The following TENM2 variants were observed in gnomAD, a reference collection of about 807,000 sequenced individuals.
The protein encoded by TENM2 is teneurin-2.
Under a neutral mutation model 245.2 loss-of-function variants are expected in TENM2, and 52 were observed. That is an observed-to-expected ratio of 0.21 (90% confidence interval 0.17 to 0.27). The LOEUF is 0.27. TENM2 is among the 10% of genes least tolerant of loss of function. TENM2 has a pLI of 1.00. For missense variants in TENM2, 3,046 were observed against 3,666.8 expected (o/e 0.83, Z 4.37); for synonymous variants, 1,363 against 1,438.9 (o/e 0.95, Z 1.19).
intron 25 of TENM2, among the ~76,000 whole-genome samples, chr5:168,228,334 C>CCAT (rs556058538): frequency 5.3e-4 from 81 of 152,220 alleles, no homozygotes; most frequent in African/African-American, 1.9e-3. Flanking sequence ...AAGGTAGAAT[C>CCAT]CATCTCCCTT....
At chr5:167,409,658 TTAAATAA>T (rs1267869167) in intron 2 of TENM2, among the ~76,000 whole-genome samples, 1 of 152,054 alleles carries the variant, frequency 6.6e-6, no homozygotes, top group East Asian at 1.9e-4. Flanking sequence ...TTCTGATTTG[TTAAATAA>T]TAAAAAATTC....
chr5:167,319,085 A>G (rs1444222390), intron 1 of TENM2, among the ~76,000 whole-genome samples: 1 of 152,226 alleles, frequency 6.6e-6, no homozygotes, highest in East Asian at 1.9e-4. Context: ...CCAATTTAAA[A>G]TGATGACTTC....
intron 2 of TENM2, among the ~76,000 whole-genome samples, chr5:167,471,063 A>G (rs1019885346): frequency 1.3e-5 from 2 of 152,210 alleles, no homozygotes; most frequent in African/African-American, 4.8e-5. Flanking sequence ...TTAAAAAATA[A>G]AAGTCTGAAA....
intron 9 of TENM2, 36 bp from the exon 12 acceptor site, chr5:168,118,256 C>T (rs1206597038): frequency 1.4e-6 from 2 of 1,463,960 alleles, no homozygotes; most frequent in Non-Finnish European, 1.8e-6. Flanking sequence ...GATGCTGGCC[C>T]TTCGTGACCT....
intron 2 of TENM2, among the ~76,000 whole-genome samples, chr5:167,603,023 G>A (rs1776750842): frequency 6.6e-6 from 1 of 152,138 alleles, no homozygotes; most frequent in Non-Finnish European, 1.5e-5. Flanking sequence ...ATTGTAAGAT[G>A]GGTATGATTC....
chr5:167,340,248 A>G (rs10045472), intron 1 of TENM2, among the ~76,000 whole-genome samples: 193 of 152,288 alleles, frequency 1.3e-3, no homozygotes, highest in African/African-American at 4.4e-3. Flanking sequence ...TCTAGCCTCT[A>G]TCCACTACCA....
At chr5:166,997,311 T>G in the TENM2 span, among the ~76,000 whole-genome samples, 22 of 152,322 alleles carry the variant, frequency 1.4e-4, no homozygotes, top group East Asian at 4.2e-3. Flanking sequence ...ATATATTATA[T>G]AATCCTCAAA....
chr5:167,698,679 G>GTTTTTTTTTTTTTTTTTTTTT (rs1225922111), intron 2 of TENM2, among the ~76,000 whole-genome samples: 26 of 97,736 alleles, frequency 2.7e-4, no homozygotes, highest in Non-Finnish European at 3.5e-4. Context: ...TTTGTTTTTT[G>GTTTTTTTTTTTTTTTTTTTTT]TTTTTTTTTT....
At position 167,824,810 on chromosome 5, in the gene TENM2, T is replaced by C. The variant is rs1767821618; in HGVS notation, c.503-51176T>C. On this transcript the variant is annotated intron_variant, in intron 2 of 28. Transcript: ENST00000518659. ...ATGTGAACACACCTAAGTTTTACAA[T>C]GTCCACAACTAATTCAACGTTTCAA... is the stretch of plus-strand genomic sequence containing the variant. Among the ~76,000 whole-genome samples the C allele has an allele frequency of 2.0e-5, 3 of 152,322 alleles. No individual in the cohort carries two copies. In the South Asian group the frequency reaches 6.2e-4, roughly 32 times the overall value.
rs1312152011 is a variant in TENM2 at position 167,974,051 on chromosome 5, G to A, written c.948-18893G>A. ...AGGAAGGAAGGAGAAGGAAGGAAGG[G>A]AGGAAAGGAGGGAGGGAGGGAGGAA... On this transcript the variant is annotated intron_variant, in intron 4 of 28. Transcript: ENST00000518659. Among the ~76,000 whole-genome samples the A allele has an allele frequency of 1.3e-3, 51 of 40,338 alleles. 1 individual carries two copies. Among genetic ancestry groups the A allele is most frequent in the Non-Finnish European group, 1.7e-3 (43 of 25,374 alleles). 26.5% of individuals were successfully genotyped at this position (40,338 alleles called of 152,430 possible).
intron 1 of TENM2, among the ~76,000 whole-genome samples, chr5:167,357,300 CTT>C (rs11442891): frequency 7.1e-6 from 1 of 139,982 alleles, no homozygotes; most frequent in Non-Finnish European, 1.5e-5. Flanking sequence ...GCCATCCTTT[CTT>C]TTTTTTTTTT....
At chr5:167,038,543 A>G in the TENM2 span, among the ~76,000 whole-genome samples, 2 of 152,206 alleles carry the variant, frequency 1.3e-5, no homozygotes, top group African/African-American at 2.4e-5. Context: ...TTATTGAACA[A>G]GAGCATTTTT....
At chr5:167,493,448 G>C (rs1383001664) in intron 2 of TENM2, among the ~76,000 whole-genome samples, 1 of 152,064 alleles carries the variant, frequency 6.6e-6, no homozygotes, top group Non-Finnish European at 1.5e-5. Context: ...TTCTCTGAAG[G>C]CTTCATTGAT....
chr5:168,240,290 C>G (rs1765965742), intron 25 of TENM2, among the ~76,000 whole-genome samples: 1 of 152,198 alleles, frequency 6.6e-6, no homozygotes, highest in African/African-American at 2.4e-5. Context: ...GTGGAGCCAG[C>G]CGAGCAGCAG....
chr5:167,798,508 G>T (rs993427740), intron 2 of TENM2, among the ~76,000 whole-genome samples: 7 of 152,196 alleles, frequency 4.6e-5, no homozygotes, highest in African/African-American at 1.4e-4. Context: ...GGCTGGTGGG[G>T]CCAGGGTAGA....
intron 25 of TENM2, 112 bp downstream of exon 27, chr5:168,228,242 C>G (rs989184047): frequency 7.2e-6 from 6 of 838,712 alleles, no homozygotes; most frequent in Non-Finnish European, 3.8e-6. Flanking sequence ...TATACACTTT[C>G]CTCACAGAGC....
chr5:167,776,613 A>C (rs1463753978), intron 2 of TENM2, among the ~76,000 whole-genome samples: 3 of 99,444 alleles, frequency 3.0e-5, no homozygotes, highest in East Asian at 5.5e-4. Context: ...AAAAAAAAAA[A>C]AAAAAAAAAA....
intron 2 of TENM2, among the ~76,000 whole-genome samples, chr5:167,527,343 T>C (rs1002243988): frequency 2.0e-5 from 3 of 152,144 alleles, no homozygotes; most frequent in African/African-American, 7.2e-5. Flanking sequence ...CAGATATTTA[T>C]AAAGTATGTG....
chr5:167,539,630 A>T (rs989552572), intron 2 of TENM2, among the ~76,000 whole-genome samples: 1 of 152,182 alleles, frequency 6.6e-6, no homozygotes, highest in Non-Finnish European at 1.5e-5. Flanking sequence ...AAAAAGTAGG[A>T]CTGGTTGATC....
Sources: gnomAD v4.1 joint callset for allele counts (sites outside exome capture counted in the v4.1 genomes callset) on GRCh38, gnomAD v4.1.1 for gene constraint, MANE v1.5 for transcripts, NCBI Gene and HGNC (gene_info 2026-07-23, HGNC 2026-07-21) for gene names.